Variants in DNAJC16 observed in about 807,000 individuals in gnomAD.
The protein encoded by DNAJC16 is dnaJ homolog subfamily C member 16.
Under a neutral mutation model 92.7 loss-of-function variants are expected in DNAJC16, and 76 were observed. That is an observed-to-expected ratio of 0.82 (90% CI 0.68 to 0.99). The LOEUF is 0.99. Among genes scored for constraint, DNAJC16 ranks in the 50% least tolerant of loss-of-function variants. The probability of loss-of-function intolerance (pLI) is 0.00; values close to 1 mark genes in which losing one functional copy is unlikely to be tolerated. For missense variants in DNAJC16, 869 were observed against 942.4 expected (o/e 0.92, Z 1.02); for synonymous variants, 328 against 358.7 (o/e 0.91, Z 0.97).
At position 15,568,590 on chromosome 1, in the gene DNAJC16, A is replaced by G. The variant is rs1047473922; in HGVS notation, c.*413A>G. ...GGCCAGGTCATTGGCCCCTTCCCCA[A>G]TCCCGGCCCTGCTGTGCTGCTGCCA... On this transcript the variant is annotated 3_prime_UTR_variant, in exon 15 of 15. Transcript: ENST00000375847. 2.5e-5 allele frequency: 10 copies of G among 406,712 alleles called. No homozygotes were observed. The highest frequency in any genetic ancestry group is 7.0e-5 in the East Asian group (2 of 28,520). The allele number at this position is 406,712 out of a possible 1,614,324, so 25.2% of individuals were successfully genotyped here. A position where few individuals can be genotyped will look rare whatever the true frequency, so the allele number is the denominator to read the frequency against.
chr1:15,567,468 C>T (rs1021996702), intron 14 of DNAJC16, among the ~76,000 whole-genome samples, 199 bp downstream of exon 14: 2 of 152,186 alleles, frequency 1.3e-5, no homozygotes, highest in Non-Finnish European at 2.9e-5. Flanking sequence ...TTTGTTGGTT[C>T]TGAACAGAAA....
At chr1:15,566,987 T>C (rs1638824774) in intron 13 of DNAJC16, 112 bp from the exon 14 acceptor site, 7 of 1,007,208 alleles carry the variant, frequency 6.9e-6, no homozygotes, top group South Asian at 1.7e-5. Flanking sequence ...GAATAGTGAA[T>C]AACATACCTA....
chr1:15,536,072 CTT>C (rs758451008), intron 3 of DNAJC16, among the ~76,000 whole-genome samples: 5 of 84,600 alleles, frequency 5.9e-5, no homozygotes, highest in Admixed American at 1.3e-4. Flanking sequence ...CTTTTCTTTT[CTT>C]TTTTTTTTTT....
At chr1:15,532,381 A>G (rs1710680575) in intron 2 of DNAJC16, among the ~76,000 whole-genome samples, 1 of 152,152 alleles carries the variant, frequency 6.6e-6, no homozygotes, top group Non-Finnish European at 1.5e-5. Context: ...ATACTTTCCT[A>G]TGGCTGAATT....
intron 8 of DNAJC16, among the ~76,000 whole-genome samples, chr1:15,561,784 T>G (rs1226617003): frequency 6.6e-6 from 1 of 152,008 alleles, no homozygotes; most frequent in Non-Finnish European, 1.5e-5. Context: ...TCCCAACACT[T>G]TGGGAGCCTG....
intron 2 of DNAJC16, among the ~76,000 whole-genome samples, chr1:15,533,334 T>C (rs1372339580): frequency 6.6e-6 from 1 of 152,058 alleles, no homozygotes; most frequent in African/African-American, 2.4e-5. Flanking sequence ...ATGTTAAACA[T>C]GTGGCATTGA....
intron 6 of DNAJC16, among the ~76,000 whole-genome samples, chr1:15,547,880 C>T (rs897826191): frequency 1.3e-5 from 2 of 152,092 alleles, no homozygotes; most frequent in Admixed American, 6.6e-5. Context: ...ACTACACTCC[C>T]AGCCTACCTA....
chr1:15,553,057 A>G (rs574076994), intron 7 of DNAJC16, among the ~76,000 whole-genome samples: 20 of 151,940 alleles, frequency 1.3e-4, no homozygotes, highest in African/African-American at 4.8e-4. Flanking sequence ...GGTGTGAGCC[A>G]CCGCGCCCGG....
At chr1:15,542,067 T>G (rs1298416579) in intron 4 of DNAJC16, 3 of 152,108 alleles carry the variant, frequency 2.0e-5, no homozygotes, top group Admixed American at 2.0e-4. Context: ...AGTTTGAAAG[T>G]TTCACCCTCA....
intron 6 of DNAJC16, among the ~76,000 whole-genome samples, chr1:15,547,146 CTTTT>C (rs768397290): frequency 7.3e-6 from 1 of 136,552 alleles, no homozygotes. Context: ...ATCCCTGTTT[CTTTT>C]TTTTTTTTTT....
At chr1:15,566,487 A>G (rs1237111747) in intron 13 of DNAJC16, 16 of 324,642 alleles carry the variant, frequency 4.9e-5, no homozygotes, top group Non-Finnish European at 8.6e-5. Context: ...TCTTGTGCGC[A>G]CACACACCCA....
At chr1:15,561,624 C>G (rs1638693049) in intron 8 of DNAJC16, among the ~76,000 whole-genome samples, 1 of 151,958 alleles carries the variant, frequency 6.6e-6, no homozygotes, top group South Asian at 2.1e-4. Flanking sequence ...GGCGGAGTTA[C>G]AGTGAGCCGA....
At chr1:15,560,321 C>T (rs1052689326) in intron 8 of DNAJC16, 4 of 152,188 alleles carry the variant, frequency 2.6e-5, no homozygotes, top group Non-Finnish European at 4.4e-5. Flanking sequence ...CTAAAGCATT[C>T]CACACAGGGT....
chr1:15,551,737 C>T (rs1389695865), intron 7 of DNAJC16, among the ~76,000 whole-genome samples: 1 of 151,976 alleles, frequency 6.6e-6, no homozygotes, highest in East Asian at 1.9e-4. Flanking sequence ...CCTCAGTCTC[C>T]CGAGCAGCTG....
At chr1:15,538,336 A>G (rs891329761) in intron 4 of DNAJC16, among the ~76,000 whole-genome samples, 1 of 149,712 alleles carries the variant, frequency 6.7e-6, no homozygotes, top group Non-Finnish European at 1.5e-5. Flanking sequence ...CAGAGGTTGC[A>G]GTGAGCCAAG....
intron 7 of DNAJC16, among the ~76,000 whole-genome samples, chr1:15,549,644 C>A (rs7513040): frequency 0.047 from 7,051 of 151,606 alleles, 277 homozygotes; most frequent in African/African-American, 0.11. Context: ...GAAACCCCGT[C>A]TCTACTAAAA....
In DNAJC16 at chr1:15,559,621, A is replaced by G. The variant is rs1638647738; in HGVS notation, c.1119A>G (p.Glu373=). The change falls in exon 8 of 15, where the codon GAA becomes GAG. Residue 373 remains glutamate (E), a synonymous_variant. Transcript: ENST00000375847. ...ARLTSQKLFH[E]LCPVKRSHRQ... ...TCACCAGCCAGAAGTTGTTCCATGA[A>G]CTCTGCCCTGTGAAACGGTCGCATC... The G allele has an allele frequency of 2.5e-6, 4 of 1,613,960 alleles. No individual in the cohort carries two copies. The highest frequency in any genetic ancestry group is 1.1e-5 in the South Asian group (1 of 91,092).
chr1:15,562,191 TTTGAGGC>T lies in DNAJC16; in HGVS notation c.1207_1213del (p.Glu403SerfsTer13). The T allele has an allele frequency of 6.2e-7, 1 of 1,614,078 alleles. No homozygotes were observed. Among genetic ancestry groups the T allele is most frequent in the Non-Finnish European group, 8.5e-7 (1 of 1,179,930 alleles). On this transcript the variant is annotated frameshift_variant, in exon 9 of 15. Coordinates refer to ENST00000375847, the MANE Select transcript of DNAJC16 (RefSeq NM_015291.4). LOFTEE classifies it high-confidence loss of function. ...TGAGACTACCAAGTTGAGCAAACCC[TTTGAGGC>T]TTTCCTGTCCTTTGCCCTGGCAAAC...
intron 4 of DNAJC16, among the ~76,000 whole-genome samples, chr1:15,540,798 T>A (rs1211625873): frequency 6.6e-6 from 1 of 152,216 alleles, no homozygotes. Flanking sequence ...GTATACTGAA[T>A]GGCACAGTTA....
Sources: allele counts gnomAD v4.1 joint callset (sites outside exome capture counted in the v4.1 genomes callset), GRCh38; gene constraint gnomAD v4.1.1; transcripts MANE v1.5; gene names NCBI Gene and HGNC (gene_info 2026-07-23, HGNC 2026-07-21).